The following COG4 variants were observed in gnomAD, a reference collection of about 807,000 sequenced individuals.
The protein encoded by COG4 is component of oligomeric golgi complex 4.
COG4 carries 65 observed loss-of-function variants against 95.1 expected under a neutral mutation model. The ratio of observed to expected loss-of-function variants is 0.68; its 90% CI spans 0.56 to 0.84. The LOEUF (loss-of-function observed/expected upper bound fraction) is 0.84, where lower values mean the gene tolerates loss of function less well. Among genes scored for constraint, COG4 ranks in the 40% least tolerant of loss-of-function variants. The pLI is 0.00. For missense variants in COG4, 1,045 were observed against 989.1 expected, an observed-to-expected ratio of 1.06 and a Z score of -0.76; for synonymous variants, 421 against 374.8, an observed-to-expected ratio of 1.12 and a Z score of -1.42.
At position 70,512,324 on chromosome 16, in the gene COG4, T is replaced by C; in HGVS notation, c.653A>G (p.Gln218Arg). 1 of 1,614,156 alleles carries C rather than the reference T, an allele frequency of 6.2e-7. No individual in the cohort carries two copies. The highest frequency in any genetic ancestry group is 8.5e-7 in the Non-Finnish European group (1 of 1,180,016). ...GAAGATCTTGAAGAAGCGCTCCACC[T>C]GGGGCAGATCACCTTCCTTGGTGGC... ...AIATKEGDLP[Q>R]VERFFKIFPL... Residue 218 changes from glutamine to arginine, a missense_variant, in exon 5 of 19, where the codon CAG becomes CGG. Coordinates refer to ENST00000323786, the MANE Select transcript of COG4 (RefSeq NM_015386.3).
chr16:70,504,230 G>A (rs2049512669), intron 8 of COG4, among the ~76,000 whole-genome samples: 1 of 152,110 alleles, frequency 6.6e-6, no homozygotes, highest in South Asian at 2.1e-4. Context: ...CCCCCCTGGG[G>A]TATTTTAGCA....
chr16:70,512,151 A>G, intron 5 of COG4, 88 bp downstream of exon 5: 1 of 1,227,614 alleles, frequency 8.1e-7, no homozygotes, highest in Non-Finnish European at 1.2e-6. Context: ...GAAGAGAGAA[A>G]GTATCCACAG....
intron 11 of COG4, 76 bp from the exon 12 acceptor site, chr16:70,496,507 C>T (rs2049343124): frequency 2.8e-6 from 4 of 1,449,856 alleles, no homozygotes; most frequent in Non-Finnish European, 3.9e-6. Flanking sequence ...GTCTTCACCA[C>T]TCTGACCCAG....
chr16:70,523,190 C>T, intron 1 of COG4, 183 bp downstream of exon 1: 1 of 665,454 alleles, frequency 1.5e-6, no homozygotes. Context: ...ACAAGCTCGG[C>T]GCGTCCGACA....
chr16:70,486,664 G>C (rs955391668), intron 13 of COG4, among the ~76,000 whole-genome samples: 2 of 152,166 alleles, frequency 1.3e-5, no homozygotes, highest in African/African-American at 4.8e-5. Context: ...CTCATGTTAA[G>C]GATGAGGTCA....
intron 14 of COG4, among the ~76,000 whole-genome samples, chr16:70,483,444 C>A (rs2049056254): frequency 6.6e-6 from 1 of 151,526 alleles, no homozygotes; most frequent in African/African-American, 2.4e-5. Context: ...ATGCCCCTTT[C>A]CAGATCTCAG....
chr16:70,519,531 A>G (rs1417501354), intron 2 of COG4, 118 bp downstream of exon 2: 1 of 743,940 alleles, frequency 1.3e-6, no homozygotes, highest in Non-Finnish European at 2.4e-6. Context: ...TCTTGAGATA[A>G]TACCCTTTAC....
chr16:70,482,057 A>C, intron 16 of COG4, 35 bp downstream of exon 16: 1 of 1,559,954 alleles, frequency 6.4e-7, no homozygotes, highest in South Asian at 1.1e-5. Context: ...TGACGTGGGT[A>C]ATTCCCTAAG....
chr16:70,511,799 G>A (rs1452078124), intron 5 of COG4, among the ~76,000 whole-genome samples: 1 of 152,110 alleles, frequency 6.6e-6, no homozygotes, highest in Non-Finnish European at 1.5e-5. Flanking sequence ...GGGCGTGGTA[G>A]CATATGCCTG....
At chr16:70,498,099 G>T (rs2049377572) in intron 9 of COG4, 44 bp from the exon 10 acceptor site, 1 of 1,232,086 alleles carries the variant, frequency 8.1e-7, no homozygotes, top group Non-Finnish European at 1.2e-6. Flanking sequence ...TTTTCCCCAA[G>T]GGAAACAGAG....
At position 70,519,577 on chromosome 16, in the gene COG4, TA is replaced by T. The variant is rs1175499137; in HGVS notation, c.254+71del. 2.2e-5 allele frequency: 25 copies of T among 1,136,132 alleles called. No individual in the cohort carries two copies. In the East Asian group the frequency reaches 5.2e-4, roughly 23 times the overall value. 70.4% of individuals were successfully genotyped at this position (1,136,132 alleles called of 1,614,324 possible). Reference sequence around the variant, plus strand: ...GAACTGGTGTTTATAACAGAAAGTTTAAAAAATGGTCACTTGTCCAATTGAC... The same window carrying T: ...GAACTGGTGTTTATAACAGAAAGTTTAAAAATGGTCACTTGTCCAATTGAC... On this transcript the variant is annotated intron_variant, in intron 2 of 18. Transcript: ENST00000323786.
intron 8 of COG4, among the ~76,000 whole-genome samples, chr16:70,505,186 G>A (rs577621551): frequency 5.5e-5 from 8 of 146,030 alleles, no homozygotes; most frequent in Non-Finnish European, 1.0e-4. Context: ...TATATTTTAC[G>A]TTTGGATTTT....
chr16:70,517,020 C>T (rs2049835918), intron 3 of COG4, among the ~76,000 whole-genome samples: 1 of 152,088 alleles, frequency 6.6e-6, no homozygotes, highest in Non-Finnish European at 1.5e-5. Flanking sequence ...CTGCCTCAGT[C>T]TCCCAAAGTG....
At chr16:70,509,419 C>A (rs1200931999) in intron 6 of COG4, 31 bp from the exon 7 acceptor site, 1 of 1,613,268 alleles carries the variant, frequency 6.2e-7, no homozygotes, top group Non-Finnish European at 8.5e-7. Flanking sequence ...GGGTTATATT[C>A]CAAGTATTCT....
intron 9 of COG4, among the ~76,000 whole-genome samples, chr16:70,499,478 G>C (rs1183896528): frequency 1.3e-5 from 2 of 152,204 alleles, no homozygotes; most frequent in African/African-American, 4.8e-5. Context: ...GAATGCCACA[G>C]ATGCTGGGTG....
chr16:70,481,215 G>A, intron 18 of COG4, 71 bp from the exon 19 acceptor site: 2 of 1,607,804 alleles, frequency 1.2e-6, no homozygotes, highest in African/African-American at 1.3e-5. Flanking sequence ...GCCTCTACCA[G>A]GGGCAGAGCA....
At chr16:70,517,041 G>A (rs1477318963) in intron 3 of COG4, among the ~76,000 whole-genome samples, 1 of 152,066 alleles carries the variant, frequency 6.6e-6, no homozygotes. Flanking sequence ...CTGGGATACA[G>A]GTGTGCACCA....
chr16:70,508,801 T>C (rs1320715758), intron 7 of COG4: 1 of 561,278 alleles, frequency 1.8e-6, no homozygotes, highest in South Asian at 1.5e-5. Flanking sequence ...CTTTCTCTGC[T>C]CAAAAGAAGG....
intron 13 of COG4, among the ~76,000 whole-genome samples, chr16:70,486,986 A>G (rs928743955): frequency 2.8e-5 from 4 of 145,338 alleles, no homozygotes; most frequent in Non-Finnish European, 3.0e-5. Context: ...CAAGAGCGAA[A>G]CTTCATCTCA....
Sources: gnomAD v4.1 joint callset for allele counts (sites outside exome capture counted in the v4.1 genomes callset) on GRCh38, gnomAD v4.1.1 for gene constraint, MANE v1.5 for transcripts, NCBI Gene and HGNC (gene_info 2026-07-23, HGNC 2026-07-21) for gene names.